Variants in DCDC1 observed in about 807,000 individuals in gnomAD.
DCDC1 encodes the protein doublecortin domain-containing protein 1.
In DCDC1, 200 loss-of-function variants were observed where a neutral mutation model predicts 178.3. That is an observed-to-expected ratio of 1.12 (90% CI 1.00 to 1.26). The LOEUF (loss-of-function observed/expected upper bound fraction) is 1.26. DCDC1 is among the 50% of genes most tolerant of loss of function. DCDC1 has a pLI of 0.00. For missense variants in DCDC1, 1,983 were observed against 1,749.2 expected, an observed-to-expected ratio of 1.13 and a Z score of -2.38; for synonymous variants, 690 against 604.8, an observed-to-expected ratio of 1.14 and a Z score of -2.07.
chr11:30,868,803 T>C (rs1036610845), intron 38 of DCDC1, among the ~76,000 whole-genome samples: 4 of 152,350 alleles, frequency 2.6e-5, no homozygotes, highest in Non-Finnish European at 5.9e-5. Flanking sequence ...TGTTTAACTG[T>C]TCTCAGATTA....
chr11:30,888,380 A>G (rs1407800174), intron 36 of DCDC1, among the ~76,000 whole-genome samples: 1 of 152,242 alleles, frequency 6.6e-6, no homozygotes, highest in East Asian at 1.9e-4. Context: ...AGACGTTTTC[A>G]GTACAATTAG....
intron 27 of DCDC1, among the ~76,000 whole-genome samples, chr11:30,914,632 C>CAA (rs11355322): frequency 7.3e-4 from 74 of 100,764 alleles, no homozygotes; most frequent in South Asian, 1.9e-3. Context: ...CATATGCACC[C>CAA]AAAAAAAAAA....
Position 31,208,779 on chromosome 11 carries a change from A to C in DCDC1, c.1221+32671T>G, listed in dbSNP as rs1972155333. The stretch of plus-strand genomic sequence containing the variant: ...GCAATTGCTTTTGCTTCTTCTGAGA[A>C]AGCTCTTCCCACAATAGGTTCACAT... On this transcript the variant is annotated intron_variant, in intron 9 of 38. Transcript: ENST00000684477. Among the ~76,000 whole-genome samples the C allele has an allele frequency of 2.0e-5, 3 of 152,094 alleles. No individual in the cohort carries two copies. In the South Asian group the frequency reaches 6.2e-4, roughly 32 times the overall value.
chr11:31,003,235 C>T (rs545051052), intron 20 of DCDC1, among the ~76,000 whole-genome samples: 8 of 152,040 alleles, frequency 5.3e-5, no homozygotes, highest in Admixed American at 1.3e-4. Flanking sequence ...AATTCACAAG[C>T]TGCCACGAAG....
chr11:31,155,234 T>C (rs1352732534), intron 9 of DCDC1, among the ~76,000 whole-genome samples: 1 of 152,232 alleles, frequency 6.6e-6, no homozygotes, highest in African/African-American at 2.4e-5. Context: ...CAACTTTATC[T>C]AGAACCTAGG....
chr11:30,887,808 G>A (rs970525674), intron 36 of DCDC1, among the ~76,000 whole-genome samples: 4 of 151,926 alleles, frequency 2.6e-5, no homozygotes, highest in Non-Finnish European at 5.9e-5. Flanking sequence ...TCAGGAGTCT[G>A]AGACCAACCT....
intron 7 of DCDC1, among the ~76,000 whole-genome samples, chr11:31,279,430 GAC>G (rs1180991680): frequency 3.6e-4 from 55 of 152,126 alleles, no homozygotes. Context: ...AAGTTTATAA[GAC>G]ACATGCACAC....
chr11:31,011,690 T>A (rs1952178737), intron 20 of DCDC1, among the ~76,000 whole-genome samples: 1 of 152,242 alleles, frequency 6.6e-6, no homozygotes, highest in South Asian at 2.1e-4. Context: ...AAAGTATGTG[T>A]GCGCTTTATT....
At chr11:30,988,334 T>C (rs1048304699) in intron 20 of DCDC1, among the ~76,000 whole-genome samples, 1 of 151,838 alleles carries the variant, frequency 6.6e-6, no homozygotes, top group Non-Finnish European at 1.5e-5. Flanking sequence ...GATTCATCCA[T>C]TGAACTTGGG....
At chr11:31,067,264 C>T (rs772925780) in intron 18 of DCDC1, among the ~76,000 whole-genome samples, 8 of 151,284 alleles carry the variant, frequency 5.3e-5, no homozygotes, top group Non-Finnish European at 8.8e-5. Context: ...ACAAATAACC[C>T]GATGAAAATA....
chr11:31,288,163 A>G (rs530540228), intron 7 of DCDC1, among the ~76,000 whole-genome samples: 1 of 152,026 alleles, frequency 6.6e-6, no homozygotes, highest in Non-Finnish European at 1.5e-5. Context: ...AAACTTATCC[A>G]CCATGATGCT....
At chr11:31,183,918 T>G (rs1270974558) in intron 9 of DCDC1, among the ~76,000 whole-genome samples, 1 of 152,124 alleles carries the variant, frequency 6.6e-6, no homozygotes, top group Non-Finnish European at 1.5e-5. Context: ...ACTTTCTTCA[T>G]AGAATTAGAA....
chr11:31,345,147 AT>A (rs1341119294), intron 1 of DCDC1, among the ~76,000 whole-genome samples: 2 of 152,174 alleles, frequency 1.3e-5, no homozygotes, highest in Non-Finnish European at 2.9e-5. Flanking sequence ...GTCAAAGGCC[AT>A]TTTTTAAAAA....
At position 31,235,585 on chromosome 11, in the gene DCDC1, A is replaced by G. The variant is rs183344243; in HGVS notation, c.1221+5865T>C. Among the ~76,000 whole-genome samples, 546 of 152,140 alleles carry G rather than the reference A, an allele frequency of 3.6e-3. 1 individual carries two copies. Among genetic ancestry groups the G allele is most frequent in the Non-Finnish European group, 4.8e-3 (327 of 67,920 alleles). On this transcript the variant is annotated intron_variant, in intron 9 of 38. Transcript: ENST00000684477. The stretch of plus-strand genomic sequence containing the variant: ...TAGTTCATTCAAAAAGTATTATAAA[A>G]TGAAACAATTTAAATAATTTTTAAT...
intron 36 of DCDC1, among the ~76,000 whole-genome samples, chr11:30,887,043 C>A (rs1590225479): frequency 1.3e-5 from 2 of 151,992 alleles, no homozygotes; most frequent in East Asian, 3.9e-4. Flanking sequence ...TACTTGGTTT[C>A]TCCTAAGACC....
chr11:31,297,492 C>T (rs886196039), intron 6 of DCDC1, among the ~76,000 whole-genome samples: 8 of 151,962 alleles, frequency 5.3e-5, no homozygotes, highest in South Asian at 4.2e-4. Context: ...ACAACAGGCG[C>T]GCACTACCGT....
intron 7 of DCDC1, among the ~76,000 whole-genome samples, chr11:31,272,272 C>A (rs952292999): frequency 6.6e-6 from 1 of 151,998 alleles, no homozygotes; most frequent in African/African-American, 2.4e-5. Flanking sequence ...GTCCCTCCCA[C>A]AACATATGGA....
chr11:30,978,704 C>T (rs757278034), intron 20 of DCDC1, among the ~76,000 whole-genome samples: 3 of 150,344 alleles, frequency 2.0e-5, no homozygotes, highest in South Asian at 2.1e-4. Context: ...TGCTATAGAA[C>T]GTTAGAACTT....
At chr11:30,954,164 T>C (rs914146402) in intron 20 of DCDC1, among the ~76,000 whole-genome samples, 8 of 151,842 alleles carry the variant, frequency 5.3e-5, no homozygotes, top group Admixed American at 2.0e-4. Flanking sequence ...TACAGGCGCC[T>C]GCCACCACGC....
Sources: gnomAD v4.1 joint callset for allele counts (sites outside exome capture counted in the v4.1 genomes callset) on GRCh38, gnomAD v4.1.1 for gene constraint, MANE v1.5 for transcripts, NCBI Gene and HGNC (gene_info 2026-07-23, HGNC 2026-07-21) for gene names.